The following ADCY2 variants were observed in gnomAD, a reference collection of about 807,000 sequenced individuals.
The protein encoded by ADCY2 is adenylate cyclase type 2.
In ADCY2, 31 loss-of-function variants were observed where a neutral mutation model predicts 125.2. The ratio of observed to expected loss-of-function variants is 0.25; its 90% CI spans 0.19 to 0.33. ADCY2 has a LOEUF of 0.33. Among genes scored for constraint, ADCY2 ranks in the 10% least tolerant of loss-of-function variants. ADCY2 has a pLI of 1.00. For synonymous variants in ADCY2, 512 were observed against 548.4 expected, an observed-to-expected ratio of 0.93 and a Z score of 0.93; for missense variants, 904 against 1,418.2, an observed-to-expected ratio of 0.64 and a Z score of 5.82.
In ADCY2 at chr5:7,549,251, G is replaced by T. The variant is rs146761106; in HGVS notation, c.570+28352G>T. ...ACATTAGGTTTCTGTTGTGGATAGT[G>T]GGCTGCAGTTCTCACACCATCCTCT... On this transcript the variant is annotated intron_variant, in intron 3 of 24. Coordinates refer to ENST00000338316, the MANE Select transcript of ADCY2 (RefSeq NM_020546.3). Among the ~76,000 whole-genome samples, 896 of 152,228 alleles carry T rather than the reference G, an allele frequency of 5.9e-3. 9 individuals carry two copies. The highest frequency in any genetic ancestry group is 0.021 in the African/African-American group (855 of 41,544).
chr5:7,541,489 T>C (rs1734995853), intron 3 of ADCY2, among the ~76,000 whole-genome samples: 1 of 152,180 alleles, frequency 6.6e-6, no homozygotes, highest in African/African-American at 2.4e-5. Flanking sequence ...CTTGATGAGA[T>C]CACACACGAG....
intron 3 of ADCY2, among the ~76,000 whole-genome samples, chr5:7,587,239 C>T (rs927962754): frequency 1.3e-5 from 2 of 152,088 alleles, no homozygotes; most frequent in African/African-American, 4.8e-5. Context: ...CAGGGTGTCC[C>T]CACTCACCCT....
chr5:7,665,600 T>C (rs373303571), intron 4 of ADCY2, among the ~76,000 whole-genome samples: 2 of 152,056 alleles, frequency 1.3e-5, no homozygotes, highest in African/African-American at 4.8e-5. Flanking sequence ...TTGGGACTCC[T>C]TGTCGTGACG....
rs921959149 is a variant in ADCY2, at chr5:7,439,961, A to C, written c.408+25191A>C. The stretch of plus-strand genomic sequence containing the variant: ...GAGCTCAAGAGAAAGGTTGTTTTAA[A>C]AGTAAACCTGCGATTGTTCCAAAGC... On this transcript the variant is annotated intron_variant, in intron 2 of 24. Transcript: ENST00000338316. 3.3e-5 allele frequency among the ~76,000 whole-genome samples: 5 copies of C among 152,186 alleles called. No individual in the cohort carries two copies. The South Asian group carries it at 6.2e-4, about 19-fold the overall frequency.
At chr5:7,580,842 A>G (rs1187733784) in intron 3 of ADCY2, among the ~76,000 whole-genome samples, 1 of 152,248 alleles carries the variant, frequency 6.6e-6, no homozygotes. Flanking sequence ...AAACTGACAG[A>G]TCGAAGGGAA....
chr5:7,643,013 TTTTC>T (rs1290095301), intron 4 of ADCY2, among the ~76,000 whole-genome samples: 2 of 152,046 alleles, frequency 1.3e-5, no homozygotes, highest in African/African-American at 4.8e-5. Context: ...TTCAGTATAT[TTTTC>T]TAATTAGAAT....
intron 19 of ADCY2, among the ~76,000 whole-genome samples, chr5:7,788,788 T>C (rs757828332): frequency 1.3e-5 from 2 of 152,222 alleles, no homozygotes; most frequent in Admixed American, 6.5e-5. Flanking sequence ...CAGTTAGCTC[T>C]TCTTTGCATT....
intron 2 of ADCY2, among the ~76,000 whole-genome samples, chr5:7,464,137 G>C (rs1365393512): frequency 2.0e-5 from 3 of 152,126 alleles, no homozygotes; most frequent in Non-Finnish European, 4.4e-5. Context: ...TATATTTTGT[G>C]TGTGTGTTGT....
chr5:7,627,520 A>G (rs968385150), intron 4 of ADCY2, among the ~76,000 whole-genome samples: 3 of 152,190 alleles, frequency 2.0e-5, no homozygotes, highest in African/African-American at 7.2e-5. Context: ...AATAATTAGC[A>G]TGGCTGGCTA....
At chr5:7,557,546 G>A (rs1735565766) in intron 3 of ADCY2, among the ~76,000 whole-genome samples, 1 of 151,844 alleles carries the variant, frequency 6.6e-6, no homozygotes, top group Non-Finnish European at 1.5e-5. Context: ...CCTCCAATAG[G>A]CCCCAGAGTG....
Position 7,819,059 on chromosome 5 carries a change from G to T in ADCY2, c.2999-1506G>T, listed in dbSNP as rs112448697. Among the ~76,000 whole-genome samples, 571 of 152,282 alleles carry T rather than the reference G, an allele frequency of 3.7e-3. 7 individuals carry two copies. The highest frequency in any genetic ancestry group is 0.013 in the African/African-American group (537 of 41,552). ...CTTGGAGTCTGATGCTGGAGGGCAG[G>T]AAGCATCCAGCACAGGAGGAAGATG... On this transcript the variant is annotated intron_variant, in intron 23 of 24. Transcript: ENST00000338316.
chr5:7,529,536 C>T (rs1011111070), intron 3 of ADCY2, among the ~76,000 whole-genome samples: 4 of 152,122 alleles, frequency 2.6e-5, no homozygotes, highest in African/African-American at 7.2e-5. Context: ...CTCAGCATCT[C>T]GTGAATGTCT....
chr5:7,466,249 C>CT (rs1405854844), intron 2 of ADCY2, among the ~76,000 whole-genome samples: 2 of 151,992 alleles, frequency 1.3e-5, no homozygotes, highest in African/African-American at 4.8e-5. Flanking sequence ...TCCAAGTTTT[C>CT]TTTTTGTTAT....
rs543005805 is a variant in ADCY2, at chr5:7,785,678, C to T, written c.2469+1229C>T. 2.1e-4 allele frequency among the ~76,000 whole-genome samples: 32 copies of T among 152,250 alleles called. 1 individual carries two copies. Among genetic ancestry groups the T allele is most frequent in the Admixed American group, 3.9e-4 (6 of 15,292 alleles). On this transcript the variant is annotated intron_variant, in intron 19 of 24. Transcript: ENST00000338316. ...TTATAATTTAGATGTGAGAGAATTG[C>T]GCTTCCTTGAATAATATCACCTAGA...
At chr5:7,774,141 A>G (rs943826998) in intron 18 of ADCY2, among the ~76,000 whole-genome samples, 4 of 152,206 alleles carry the variant, frequency 2.6e-5, no homozygotes, top group African/African-American at 7.2e-5. Context: ...CGGTGTTAGG[A>G]ACGGCAGTTA....
intron 2 of ADCY2, among the ~76,000 whole-genome samples, chr5:7,496,754 G>A (rs1436243208): frequency 3.9e-5 from 6 of 152,074 alleles, no homozygotes; most frequent in Admixed American, 3.3e-4. Flanking sequence ...ATTACGTTAG[G>A]AGTGAAGCTT....
intron 22 of ADCY2, among the ~76,000 whole-genome samples, chr5:7,815,863 C>T (rs1055767798): frequency 2.6e-5 from 4 of 152,166 alleles, no homozygotes; most frequent in African/African-American, 7.2e-5. Flanking sequence ...GGACTTAAAC[C>T]ACAGAAGTTA....
At chr5:7,405,439 T>C (rs1739444775) in intron 1 of ADCY2, among the ~76,000 whole-genome samples, 1 of 152,136 alleles carries the variant, frequency 6.6e-6, no homozygotes, top group South Asian at 2.1e-4. Context: ...GCTGGATTAC[T>C]CAAAATAGCT....
intron 4 of ADCY2, chr5:7,654,345 A>G (rs2126685263): frequency 2.8e-6 from 1 of 354,218 alleles, no homozygotes; most frequent in Non-Finnish European, 5.6e-6. Context: ...GGAAAACGGG[A>G]TCGAGAGAAG....
Sources: gnomAD v4.1 joint callset for allele counts (sites outside exome capture counted in the v4.1 genomes callset) on GRCh38, gnomAD v4.1.1 for gene constraint, MANE v1.5 for transcripts, NCBI Gene and HGNC (gene_info 2026-07-23, HGNC 2026-07-21) for gene names.